ZBTB14: variants seen among roughly 807,000 people sequenced by gnomAD.
ZBTB14 encodes the protein zinc finger and BTB domain containing 14.
A neutral mutation model predicts 29.5 loss-of-function variants in ZBTB14; 8 were observed. The ratio of observed to expected loss-of-function variants is 0.27; its 90% CI spans 0.16 to 0.49. The LOEUF (loss-of-function observed/expected upper bound fraction) is 0.49. Ranked by LOEUF, ZBTB14 falls within the 20% of genes least tolerant of loss-of-function variation. The probability of loss-of-function intolerance (pLI) is 0.99; values close to 1 mark genes in which losing one functional copy is unlikely to be tolerated. For synonymous variants in ZBTB14, 226 were observed against 207.2 expected (o/e 1.09, Z -0.78); for missense variants, 333 against 563.8 (o/e 0.59, Z 4.15).
chr18:5,292,209 A>G lies in ZBTB14; in HGVS notation c.4-5T>C, dbSNP rs753567016. 1.9e-5 allele frequency: 3 copies of G among 160,262 alleles called. No homozygotes were observed. The highest frequency in any genetic ancestry group is 7.7e-5 in the East Asian group (1 of 12,936). The allele number at this position is 160,262 out of a possible 1,614,324, so 9.9% of individuals were successfully genotyped here. A position where few individuals can be genotyped will look rare whatever the true frequency, so the allele number is the denominator to read the frequency against. The stretch of plus-strand genomic sequence containing the variant: ...AGACATACTGATGAAAAACTCCTAC[A>G]AAAAAAAAAAAAGTTTAGTAATTAT... On this transcript the variant is annotated splice_polypyrimidine_tract_variant and splice_region_variant and intron_variant, in intron 3 of 3. Coordinates refer to ENST00000651870, the MANE Select transcript of ZBTB14 (RefSeq NM_001243702.2).
intron 1 of ZBTB14, among the ~76,000 whole-genome samples, chr18:5,295,264 C>T (rs1390161548): frequency 6.9e-6 from 1 of 145,028 alleles, no homozygotes; most frequent in South Asian, 2.1e-4. Context: ...TCGCGCCGGG[C>T]CCTCCCCCGC....
Position 5,293,327 on chromosome 18 carries a change from C to A in ZBTB14, c.-81G>T, listed in dbSNP as rs1332597525. The A allele has an allele frequency of 4.9e-6, 7 of 1,427,254 alleles. No homozygotes were observed. The highest frequency in any genetic ancestry group is 6.8e-6 in the Non-Finnish European group (7 of 1,035,434). 88.4% of individuals were successfully genotyped at this position (1,427,254 alleles called of 1,614,324 possible). On this transcript the variant is annotated splice_region_variant and 5_prime_UTR_variant, in exon 3 of 4. Transcript: ENST00000651870. ...TAACTCTGATCAGGAGCACGCCAGA[C>A]CTACAGAGGAAAGGATAAACAAGAA...
chr18:5,297,005 T>G (rs889026472), upstream of ZBTB14: 1 of 152,080 alleles, frequency 6.6e-6, no homozygotes, highest in African/African-American at 2.4e-5. Context: ...CCGCGTTTTC[T>G]GCTCACCGAG....
Position 5,291,023 on chromosome 18 carries a change from G to C in ZBTB14, c.1185C>G (p.Thr395=), listed in dbSNP as rs147020592. The C allele has an allele frequency of 6.7e-4, 1,074 of 1,614,250 alleles. 7 individuals carry two copies. The African/African-American group carries it at 0.013, about 19-fold the overall frequency. Residue 395 remains threonine (T), a synonymous_variant, in exon 4 of 4, where the codon ACC becomes ACG. Coordinates refer to ENST00000651870, the MANE Select transcript of ZBTB14 (RefSeq NM_001243702.2). This position sits in a 1 kb window ranked among gnomAD's most constrained non-coding sequence, Gnocchi z 5.8. ...GATCAGATGCCTTGGCAAATGCCTT[G>C]GTGCAGGAGCCACACACAAAAGGCT... The part of the protein sequence containing the change: ...GEKPFVCGSC[T]KAFAKASDLK...
Position 5,290,452 on chromosome 18 carries a change from CA to C in ZBTB14, c.*405del, listed in dbSNP as rs2143214906. 1 of 161,920 alleles carries C rather than the reference CA, an allele frequency of 6.2e-6. No homozygotes were observed. The highest frequency in any genetic ancestry group is 1.9e-4 in the South Asian group (1 of 5,206). The allele number at this position is 161,920 out of a possible 1,614,324, so 10.0% of individuals were successfully genotyped here. A position where few individuals can be genotyped will look rare whatever the true frequency, so the allele number is the denominator to read the frequency against. ...AAGTTATTAAAACTGCTCTTTTGACCATAAGTCACATAGAATTGTGATTAGG... is the reference window on the plus strand; with the variant it reads ...AAGTTATTAAAACTGCTCTTTTGACCTAAGTCACATAGAATTGTGATTAGG... On this transcript the variant is annotated 3_prime_UTR_variant, in exon 4 of 4. Transcript: ENST00000651870.
chr18:5,295,363 C>A (rs1224910959), intron 1 of ZBTB14, among the ~76,000 whole-genome samples: 1 of 143,272 alleles, frequency 7.0e-6, no homozygotes, highest in Non-Finnish European at 1.5e-5. Flanking sequence ...GGGTCCCGGC[C>A]CCCTCCTCCG....
upstream of ZBTB14, chr18:5,296,881 C>G (rs1319013893): frequency 1.3e-5 from 2 of 150,454 alleles, no homozygotes; most frequent in Non-Finnish European, 3.0e-5. Context: ...CTGTCCTTAA[C>G]ATCCCTGCTC....
At position 5,292,204 on chromosome 18, in the gene ZBTB14, CCT is replaced by C; in HGVS notation, c.4-2_4-1del. On this transcript the variant is annotated splice_acceptor_variant, in intron 3 of 3. Transcript: ENST00000651870. LOFTEE classifies it high-confidence loss of function. Reference sequence around the variant, plus strand: ...GTTTCAGACATACTGATGAAAAACTCCTACAAAAAAAAAAAAAGTTTAGTAAT... The same window carrying C: ...GTTTCAGACATACTGATGAAAAACTCACAAAAAAAAAAAAAGTTTAGTAAT... 6.7e-7 allele frequency: 1 copy of C among 1,481,716 alleles called. No individual in the cohort carries two copies. The highest frequency in any genetic ancestry group is 1.7e-5 in the African/African-American group (1 of 58,558). The allele number at this position is 1,481,716 out of a possible 1,614,324, so 91.8% of individuals were successfully genotyped here. A position where few individuals can be genotyped will look rare whatever the true frequency, so the allele number is the denominator to read the frequency against.
chr18:5,293,343 TAAAC>T lies in ZBTB14; in HGVS notation c.-81-20_-81-17del. 1 of 1,260,446 alleles carries T rather than the reference TAAAC, an allele frequency of 7.9e-7. No homozygotes were observed. Among genetic ancestry groups the T allele is most frequent in the Non-Finnish European group, 1.1e-6 (1 of 898,072 alleles). 78.1% of individuals were successfully genotyped at this position (1,260,446 alleles called of 1,614,324 possible). A position where few individuals can be genotyped will look rare whatever the true frequency, so the allele number is the denominator to read the frequency against. On this transcript the variant is annotated splice_polypyrimidine_tract_variant and intron_variant, in intron 2 of 3. Transcript: ENST00000651870. ...CACGCCAGACCTACAGAGGAAAGGA[TAAAC>T]AAGAATGAGGTAGGATCTTCCTGTA...
At position 5,291,529 on chromosome 18, in the gene ZBTB14, C is replaced by G; in HGVS notation, c.679G>C (p.Glu227Gln). 1 of 1,614,118 alleles carries G rather than the reference C, an allele frequency of 6.2e-7. No individual in the cohort carries two copies. The highest frequency in any genetic ancestry group is 8.5e-7 in the Non-Finnish European group (1 of 1,180,030). Residue 227 changes from glutamate to glutamine, a missense_variant, in exon 4 of 4, where the codon GAA becomes CAA. Around this residue, in one of 3 missense-constraint regions of ZBTB14, gnomAD observed 126 missense variants for 132.2 expected, o/e 0.95. Coordinates refer to ENST00000651870, the MANE Select transcript of ZBTB14 (RefSeq NM_001243702.2). This position sits in a 1 kb window ranked among gnomAD's most constrained non-coding sequence, Gnocchi z 5.8. ...GTCTGGGACCCCAAGTCTTTTGATT[C>G]TGGGGTCTCCATGGATTCTACTTCC... ...GQEVESMETP[E>Q]SKDLGSQTPQ...
chr18:5,293,924 C>A (rs1398508476), intron 2 of ZBTB14, 48 bp downstream of exon 2: 1 of 152,164 alleles, frequency 6.6e-6, no homozygotes, highest in Non-Finnish European at 1.5e-5. Flanking sequence ...TCTATCCCTA[C>A]AATAAGGGTG....
chr18:5,291,920 T>G lies in ZBTB14; in HGVS notation c.288A>C (p.Ala96=), dbSNP rs1252857496. 1 of 1,614,228 alleles carries G rather than the reference T, an allele frequency of 6.2e-7. No individual in the cohort carries two copies. The highest frequency in any genetic ancestry group is 2.2e-5 in the East Asian group (1 of 44,888). Residue 96 remains alanine (A), a synonymous_variant, in exon 4 of 4, where the codon GCA becomes GCC. Transcript: ENST00000651870. This position sits in a 1 kb window ranked among gnomAD's most constrained non-coding sequence, Gnocchi z 5.8. The part of the protein sequence containing the change: ...FEEVLNYMYT[A]KISVKKEDVN... ...CATCTTCTTTTTTCACGGAAATCTT[T>G]GCTGTGTACATGTAGTTCAGGACCT... is the stretch of plus-strand genomic sequence containing the variant.
chr18:5,295,086 G>C (rs530216906), intron 1 of ZBTB14, among the ~76,000 whole-genome samples: 63 of 151,342 alleles, frequency 4.2e-4, no homozygotes, highest in African/African-American at 1.4e-3. Context: ...TCGAGCGCAG[G>C]CTTGGGACCG....
rs2071773778 is a variant in ZBTB14, at chr18:5,289,920, G to A, written c.*938C>T. ...CCAAAGCTTGATGACATTCTGTAAA[G>A]TTACACAAATGTATCTGAAGAAGTT... On this transcript the variant is annotated 3_prime_UTR_variant, in exon 4 of 4. Coordinates refer to ENST00000651870, the MANE Select transcript of ZBTB14 (RefSeq NM_001243702.2). 1.3e-5 allele frequency: 2 copies of A among 152,262 alleles called. No individual in the cohort carries two copies. The highest frequency in any genetic ancestry group is 4.8e-5 in the African/African-American group (2 of 41,440). The allele number at this position is 152,262 out of a possible 1,614,324, so 9.4% of individuals were successfully genotyped here. A position where few individuals can be genotyped will look rare whatever the true frequency, so the allele number is the denominator to read the frequency against.
In ZBTB14 at chr18:5,290,809, G is replaced by A. The variant is rs758757592; in HGVS notation, c.*49C>T. ...CTGGCATTCACTCATTATGATCCAC[G>A]TCATCTCAGTCTCCACTTTCCAGGC... On this transcript the variant is annotated 3_prime_UTR_variant, in exon 4 of 4. Transcript: ENST00000651870. 1.3e-5 allele frequency: 21 copies of A among 1,577,956 alleles called. No individual in the cohort carries two copies. Among genetic ancestry groups the A allele is most frequent in the African/African-American group, 6.8e-5 (5 of 73,716 alleles).
At position 5,291,316 on chromosome 18, in the gene ZBTB14, G is replaced by A; in HGVS notation, c.892C>T (p.Leu298Phe). Residue 298 changes from leucine to phenylalanine, a missense_variant, in exon 4 of 4, where the codon CTC becomes TTC. Around this residue, in one of 3 missense-constraint regions of ZBTB14, gnomAD observed 140 missense variants for 274.6 expected, o/e 0.51. Transcript: ENST00000651870. This position sits in a 1 kb window ranked among gnomAD's most constrained non-coding sequence, Gnocchi z 5.8. ...ACAAATGGCCTGTCCGCCGTGTGGA[G>A]TTTCTCATGCTTCCTCAATCTGCCT... The part of the protein sequence containing the change: ...DEGRLRKHEK[L>F]HTADRPFVCE... The A allele has an allele frequency of 1.2e-6, 2 of 1,614,192 alleles. No individual in the cohort carries two copies. Among genetic ancestry groups the A allele is most frequent in the Non-Finnish European group, 1.7e-6 (2 of 1,180,036 alleles).
In ZBTB14 at chr18:5,291,794, A is replaced by C; in HGVS notation, c.414T>G (p.Gly138=). 6.2e-7 allele frequency: 1 copy of C among 1,613,784 alleles called. No homozygotes were observed. Among genetic ancestry groups the C allele is most frequent in the Non-Finnish European group, 8.5e-7 (1 of 1,179,872 alleles). The change falls in exon 4 of 4, where the codon GGT becomes GGG. Residue 138 remains glycine (G), a synonymous_variant. Coordinates refer to ENST00000651870, the MANE Select transcript of ZBTB14 (RefSeq NM_001243702.2). This position sits in a 1 kb window ranked among gnomAD's most constrained non-coding sequence, Gnocchi z 5.8. ...TAAGGCAATACTTACTTTTGGACTG[A>C]CCATTGTTTTCATCGGGACTGGACA... is the stretch of plus-strand genomic sequence containing the variant. ...RDVSSPDENN[G]QSKSKYCLKI...
At chr18:5,292,737 T>C (rs1433402070) in intron 3 of ZBTB14, among the ~76,000 whole-genome samples, 1 of 152,224 alleles carries the variant, frequency 6.6e-6, no homozygotes, top group Non-Finnish European at 1.5e-5. Flanking sequence ...AGCAAAATAA[T>C]TATGTTATAC....
rs998928392 is a variant in ZBTB14, at chr18:5,289,937, G to C, written c.*921C>G. 1 of 152,230 alleles carries C rather than the reference G, an allele frequency of 6.6e-6. No individual in the cohort carries two copies. Among genetic ancestry groups the C allele is most frequent in the African/African-American group, 2.4e-5 (1 of 41,442 alleles). The allele number at this position is 152,230 out of a possible 1,614,324, so 9.4% of individuals were successfully genotyped here. ...TCTGTAAAGTTACACAAATGTATCT[G>C]AAGAAGTTATCTGTTCTTGTCCTAA... On this transcript the variant is annotated 3_prime_UTR_variant, in exon 4 of 4. Transcript: ENST00000651870.
Sources: gnomAD v4.1 joint callset for allele counts (sites outside exome capture counted in the v4.1 genomes callset) on GRCh38, gnomAD v4.1.1 for gene constraint, gnomAD v4.1.1 regional missense constraint, Gnocchi (gnomAD v3.1) non-coding constraint, MANE v1.5 for transcripts, NCBI Gene and HGNC (gene_info 2026-07-23, HGNC 2026-07-21) for gene names.